Variants in UBE2W observed in about 807,000 individuals in gnomAD.
UBE2W encodes the protein ubiquitin-conjugating enzyme E2 W.
A neutral mutation model predicts 27.2 loss-of-function variants in UBE2W; 18 were observed. The observed-to-expected ratio is 0.66, with a 90% CI of 0.46 to 0.98. The LOEUF is 0.98. UBE2W is among the 50% of genes least tolerant of loss of function. UBE2W has a pLI of 0.00. For synonymous variants in UBE2W, 53 were observed against 57.2 expected (o/e 0.93, Z 0.33); for missense variants, 90 against 180.2 (o/e 0.50, Z 2.87).
At chr8:73,864,663 A>G (rs760655333) in intron 1 of UBE2W, among the ~76,000 whole-genome samples, 3 of 140,984 alleles carry the variant, frequency 2.1e-5, no homozygotes, top group Non-Finnish European at 3.0e-5. Flanking sequence ...CCCAACCTCC[A>G]CCTCCTGGGT....
intron 1 of UBE2W, among the ~76,000 whole-genome samples, chr8:73,843,608 CTGAG>C (rs1810637707): frequency 6.6e-6 from 1 of 152,032 alleles, no homozygotes; most frequent in Non-Finnish European, 1.5e-5. Context: ...GCACTCCAGC[CTGAG>C]TGACAGAGAG....
intron 5 of UBE2W, chr8:73,795,773 C>T (rs1420837306): frequency 2.0e-6 from 2 of 983,882 alleles, no homozygotes; most frequent in African/African-American, 3.5e-5. Flanking sequence ...TAGTTTATAT[C>T]CTCTAAAGTT....
intron 1 of UBE2W, among the ~76,000 whole-genome samples, chr8:73,863,506 CA>C: frequency 6.7e-6 from 1 of 149,452 alleles, no homozygotes; most frequent in Non-Finnish European, 1.5e-5. Flanking sequence ...TGCAGCGCAC[CA>C]GCATGGCACA....
intron 1 of UBE2W, among the ~76,000 whole-genome samples, chr8:73,832,381 C>T (rs1563601597): frequency 6.6e-6 from 1 of 152,024 alleles, no homozygotes; most frequent in South Asian, 2.1e-4. Flanking sequence ...TTGTTATGTA[C>T]AAAAACTGAA....
At chr8:73,795,823 T>A in intron 5 of UBE2W, 1 of 979,922 alleles carries the variant, frequency 1.0e-6, no homozygotes, top group Non-Finnish European at 1.2e-6. Flanking sequence ...GGCTCACGCC[T>A]GTAATTCCAG....
At chr8:73,865,999 C>G (rs904886159) in intron 1 of UBE2W, among the ~76,000 whole-genome samples, 2 of 151,892 alleles carry the variant, frequency 1.3e-5, no homozygotes, top group Non-Finnish European at 2.9e-5. Context: ...CTCAGCAGAC[C>G]AGGAGCAGTG....
At chr8:73,858,360 CAAAAA>C (rs10538314) in intron 1 of UBE2W, among the ~76,000 whole-genome samples, 1 of 90,340 alleles carries the variant, frequency 1.1e-5, no homozygotes, top group African/African-American at 3.8e-5. Context: ...GACTTCATCT[CAAAAA>C]AAAAAAAAAA....
intron 3 of UBE2W, among the ~76,000 whole-genome samples, chr8:73,816,024 ATGAC>A (rs1307104150): frequency 1.3e-5 from 2 of 152,244 alleles, no homozygotes; most frequent in African/African-American, 4.8e-5. Flanking sequence ...TTTGACAAAA[ATGAC>A]TGGAGATTGG....
At chr8:73,799,351 T>A (rs1187148328) in intron 5 of UBE2W, among the ~76,000 whole-genome samples, 1 of 151,996 alleles carries the variant, frequency 6.6e-6, no homozygotes, top group African/African-American at 2.4e-5. Context: ...AAACCACAAA[T>A]TTAAGCTGAG....
rs1425096352 is a variant in UBE2W at position 73,790,803 on chromosome 8, C to T, written c.*3299G>A. 18 of 983,574 alleles carry T rather than the reference C, an allele frequency of 1.8e-5. No individual in the cohort carries two copies. The highest frequency in any genetic ancestry group is 2.2e-5 in the Non-Finnish European group (18 of 828,420). 60.9% of individuals were successfully genotyped at this position (983,574 alleles called of 1,614,324 possible). On this transcript the variant is annotated 3_prime_UTR_variant, in exon 6 of 6. Coordinates refer to ENST00000602593, the MANE Select transcript of UBE2W (RefSeq NM_018299.6). ...TTACATAACCATTTTCATATCACTA[C>T]TCATTTCCATTATTTACCAATTCAT...
rs1811862294 is a variant in UBE2W, at chr8:73,868,314, G to C, written c.15+10494C>G. 3.3e-5 allele frequency among the ~76,000 whole-genome samples: 5 copies of C among 152,352 alleles called. No individual in the cohort carries two copies. The South Asian group carries it at 1.0e-3, about 32-fold the overall frequency. On this transcript the variant is annotated intron_variant, in intron 1 of 5. Transcript: ENST00000602593. The stretch of plus-strand genomic sequence containing the variant: ...CGAAAGGAGAGTTTGGAGAGCTTTT[G>C]AATTGGTGAATAAGAACATAGCCAC...
At chr8:73,849,282 C>G (rs534656650) in intron 1 of UBE2W, among the ~76,000 whole-genome samples, 1 of 152,082 alleles carries the variant, frequency 6.6e-6, no homozygotes, top group East Asian at 1.9e-4. Context: ...GAGGCCAACG[C>G]AGGTGGATCA....
At chr8:73,829,557 G>C (rs919558475) in intron 2 of UBE2W, among the ~76,000 whole-genome samples, 5 of 134,030 alleles carry the variant, frequency 3.7e-5, no homozygotes, top group African/African-American at 1.4e-4. Context: ...TTGTTACAGA[G>C]TTAAAGATGT....
intron 1 of UBE2W, among the ~76,000 whole-genome samples, chr8:73,832,440 C>T (rs1303870240): frequency 6.6e-6 from 1 of 152,090 alleles, no homozygotes; most frequent in Non-Finnish European, 1.5e-5. Context: ...TTATTAACTG[C>T]TTGACCAGTA....
intron 2 of UBE2W, among the ~76,000 whole-genome samples, chr8:73,825,469 C>T (rs370187315): frequency 1.3e-5 from 2 of 152,136 alleles, no homozygotes; most frequent in Non-Finnish European, 2.9e-5. Flanking sequence ...CAAGGTCAGA[C>T]AGCTAGCAAA....
At chr8:73,817,906 T>C (rs1173943482) in intron 3 of UBE2W, among the ~76,000 whole-genome samples, 1 of 152,174 alleles carries the variant, frequency 6.6e-6, no homozygotes, top group Non-Finnish European at 1.5e-5. Context: ...CCCTTTTTGA[T>C]AAGCCCCAAA....
chr8:73,832,024 G>A (rs1042202568), intron 1 of UBE2W: 3 of 151,748 alleles, frequency 2.0e-5, no homozygotes, highest in Non-Finnish European at 2.9e-5. Flanking sequence ...CAATCTCAGC[G>A]CTTTGGGAGG....
chr8:73,792,662 A>T lies in UBE2W; in HGVS notation c.*1440T>A. 5 of 985,568 alleles carry T rather than the reference A, an allele frequency of 5.1e-6. No homozygotes were observed. Among genetic ancestry groups the T allele is most frequent in the Non-Finnish European group, 4.8e-6 (4 of 829,626 alleles). 61.1% of individuals were successfully genotyped at this position (985,568 alleles called of 1,614,324 possible). ...CAACAATAAGGCATTAGTAAAAATA[A>T]CATTGTAGTAGAAACAGATTTTGCA... On this transcript the variant is annotated 3_prime_UTR_variant, in exon 6 of 6. Transcript: ENST00000602593.
intron 3 of UBE2W, among the ~76,000 whole-genome samples, chr8:73,819,423 T>C (rs946524442): frequency 6.6e-6 from 1 of 152,194 alleles, no homozygotes; most frequent in Non-Finnish European, 1.5e-5. Context: ...CCTATCCAAA[T>C]ACTAAACAGA....
Sources: allele counts gnomAD v4.1 joint callset (sites outside exome capture counted in the v4.1 genomes callset), GRCh38; gene constraint gnomAD v4.1.1; transcripts MANE v1.5; gene names NCBI Gene and HGNC (gene_info 2026-07-23, HGNC 2026-07-21).